ARHGEF4: variants seen among roughly 807,000 people sequenced by gnomAD.
The protein encoded by ARHGEF4 is APC-stimulated guanine nucleotide exchange factor 1.
ARHGEF4 carries 119 observed loss-of-function variants against 162.0 expected under a neutral mutation model. The ratio of observed to expected loss-of-function variants is 0.73; its 90% confidence interval spans 0.63 to 0.86. The LOEUF (loss-of-function observed/expected upper bound fraction) is 0.86. Ranked by LOEUF, ARHGEF4 falls within the 40% of genes least tolerant of loss-of-function variation. The pLI, the probability that ARHGEF4 is intolerant of heterozygous loss-of-function variation, is 0.00. For missense variants in ARHGEF4, 2,488 were observed against 2,456.0 expected (o/e 1.01, Z -0.28); for synonymous variants, 1,014 against 979.9 (o/e 1.03, Z -0.65).
intron 4 of ARHGEF4, chr2:130,946,966 T>A: frequency 4.3e-6 from 1 of 233,666 alleles, no homozygotes. Context: ...GTGCGGTGGC[T>A]CATGCTATAA....
At chr2:130,855,392 T>C (rs4850304) in intron 1 of ARHGEF4, among the ~76,000 whole-genome samples, 12,427 of 152,126 alleles carry the variant, frequency 0.082, 975 homozygotes, top group African/African-American at 0.2. Flanking sequence ...TTATGGTTTA[T>C]TACAGTGAAA....
chr2:130,925,078 G>GTA (rs1333261991), intron 2 of ARHGEF4, among the ~76,000 whole-genome samples: 1 of 139,948 alleles, frequency 7.1e-6, no homozygotes, highest in Non-Finnish European at 1.6e-5. Flanking sequence ...GTGTGTGTGT[G>GTA]TGCGTCTGAG....
intron 4 of ARHGEF4, among the ~76,000 whole-genome samples, chr2:131,015,145 G>A (rs1688694755): frequency 6.6e-6 from 1 of 152,192 alleles, no homozygotes; most frequent in Non-Finnish European, 1.5e-5. Flanking sequence ...AGAGAACTGG[G>A]AGACGAAGGA....
chr2:130,988,679 A>G (rs568359463), intron 4 of ARHGEF4, among the ~76,000 whole-genome samples: 6 of 152,094 alleles, frequency 3.9e-5, no homozygotes, highest in African/African-American at 1.4e-4. Context: ...GATTCACTGG[A>G]TGTCACTAAA....
At chr2:130,877,861 G>T (rs1215351157) in intron 1 of ARHGEF4, among the ~76,000 whole-genome samples, 1 of 152,116 alleles carries the variant, frequency 6.6e-6, no homozygotes, top group Non-Finnish European at 1.5e-5. Flanking sequence ...AGCGCCATGG[G>T]GTTGGGGATT....
chr2:131,028,380 C>A lies in ARHGEF4; in HGVS notation c.4125+296C>A, dbSNP rs748547966. 4.6e-5 allele frequency among the ~76,000 whole-genome samples: 7 copies of A among 152,306 alleles called. No homozygotes were observed. The East Asian group carries it at 1.4e-3, about 29-fold the overall frequency. On this transcript the variant is annotated intron_variant, in intron 5 of 13. Coordinates refer to ENST00000409359, the MANE Select transcript of ARHGEF4 (RefSeq NM_001367493.1). ...AGTGAGCAGCTGTCAAGAGCCATCC[C>A]AGCTGGAGGAGTCCTACTTAGTAGA...
chr2:130,993,907 CT>C (rs1687215397), intron 4 of ARHGEF4, among the ~76,000 whole-genome samples: 1 of 152,134 alleles, frequency 6.6e-6, no homozygotes, highest in African/African-American at 2.4e-5. Context: ...CCTCATCCCC[CT>C]GAGTAGATGG....
intron 4 of ARHGEF4, chr2:130,964,025 T>G: frequency 3.0e-6 from 1 of 337,654 alleles, no homozygotes; most frequent in Non-Finnish European, 4.1e-6. Context: ...AGCCTGTGGC[T>G]GGAGCTCGGG....
Position 131,004,612 on chromosome 2 carries a change from G to C in ARHGEF4, c.3986-23333G>C, listed in dbSNP as rs188957579. ...CCTCCTTGTCACACAGCCCGGCCTC[G>C]ATGGTCCTTCCAGGCCTGACCCGGC... On this transcript the variant is annotated intron_variant, in intron 4 of 13. Transcript: ENST00000409359. 9.1e-4 allele frequency among the ~76,000 whole-genome samples: 138 copies of C among 152,058 alleles called. 2 individuals are homozygous for C. In the South Asian group the frequency reaches 0.01, roughly 11 times the overall value.
chr2:131,015,521 C>G (rs57810852), intron 4 of ARHGEF4, among the ~76,000 whole-genome samples: 6,446 of 152,288 alleles, frequency 0.042, 199 homozygotes, highest in South Asian at 0.14. Flanking sequence ...CCTGGGAACT[C>G]TGTGCTGGTT....
chr2:130,838,326 G>C (rs890978458), intron 1 of ARHGEF4, among the ~76,000 whole-genome samples: 2 of 152,192 alleles, frequency 1.3e-5, no homozygotes, highest in African/African-American at 4.8e-5. Flanking sequence ...GTGTGGCCCG[G>C]CGCGGTGGCT....
chr2:130,991,541 AGCCGGCCGGCCCT>A, intron 4 of ARHGEF4, among the ~76,000 whole-genome samples: 1 of 152,314 alleles, frequency 6.6e-6, no homozygotes, highest in Middle Eastern at 3.4e-3. Flanking sequence ...CACTCGGAGC[AGCCGGCCGGCCCT>A]GCCGGCCCCG....
chr2:130,912,490 C>T (rs1361369445), intron 1 of ARHGEF4, among the ~76,000 whole-genome samples: 2 of 152,236 alleles, frequency 1.3e-5, no homozygotes, highest in Admixed American at 6.5e-5. Flanking sequence ...CTTAAGAGCA[C>T]TGGCTTTGGT....
intron 5 of ARHGEF4, among the ~76,000 whole-genome samples, chr2:131,029,774 A>G (rs10928501): frequency 0.84 from 127,415 of 151,788 alleles, 56,116 homozygotes; most frequent in Non-Finnish European, 0.97. Flanking sequence ...GGCTAGTCTC[A>G]AACTCTTGAA....
chr2:131,043,481 A>G lies in ARHGEF4; in HGVS notation c.5055A>G (p.Glu1685=). Residue 1685 remains glutamate, a synonymous_variant, in exon 11 of 14, where the codon GAA becomes GAG. Coordinates refer to ENST00000409359, the MANE Select transcript of ARHGEF4 (RefSeq NM_001367493.1). ...EGEDLLVRSS[E]LIYSGELTRV... ...AAGATCTCTTGGTCAGGAGCTCAGA[A>G]CTCATCTACTCGGGGGAGCTGACTC... 6.2e-7 allele frequency: 1 copy of G among 1,613,978 alleles called. No individual in the cohort carries two copies. The highest frequency in any genetic ancestry group is 8.5e-7 in the Non-Finnish European group (1 of 1,180,012).
intron 1 of ARHGEF4, among the ~76,000 whole-genome samples, chr2:130,856,609 TTTC>T (rs1275275214): frequency 6.6e-6 from 1 of 152,226 alleles, no homozygotes; most frequent in Non-Finnish European, 1.5e-5. Flanking sequence ...TTGCATATTT[TTTC>T]TTCTTAACTG....
intron 1 of ARHGEF4, among the ~76,000 whole-genome samples, chr2:130,891,624 C>G (rs538393574): frequency 6.6e-6 from 1 of 152,270 alleles, no homozygotes; most frequent in Non-Finnish European, 1.5e-5. Flanking sequence ...TAGTGAGGGC[C>G]CTCTTCTTGG....
chr2:130,840,007 G>C (rs1465203019), intron 1 of ARHGEF4, among the ~76,000 whole-genome samples: 1 of 152,186 alleles, frequency 6.6e-6, no homozygotes, highest in East Asian at 1.9e-4. Context: ...CACAGAATCA[G>C]TAAGCCAAGA....
intron 2 of ARHGEF4, among the ~76,000 whole-genome samples, chr2:130,927,990 A>G (rs1407977687): frequency 2.0e-5 from 3 of 151,890 alleles, no homozygotes; most frequent in African/African-American, 7.3e-5. Context: ...AATTTTAGTT[A>G]TTTTGAAGTT....
Sources: allele counts gnomAD v4.1 joint callset (sites outside exome capture counted in the v4.1 genomes callset), GRCh38; gene constraint gnomAD v4.1.1; transcripts MANE v1.5; gene names NCBI Gene and HGNC (gene_info 2026-07-23, HGNC 2026-07-21).